The following NEK11 variants were observed in gnomAD, a reference collection of about 807,000 sequenced individuals.
NEK11 encodes the protein NIMA related kinase 11, also known as serine/threonine-protein kinase Nek11.
Under a neutral mutation model 80.7 loss-of-function variants are expected in NEK11, and 72 were observed. That is an observed-to-expected ratio of 0.89 (90% CI 0.74 to 1.08). The LOEUF is 1.08. Among genes scored for constraint, NEK11 ranks in the 50% least tolerant of loss-of-function variants. The pLI, the probability that NEK11 is intolerant of heterozygous loss-of-function variation, is 0.00. For synonymous variants in NEK11, 251 were observed against 260.7 expected (o/e 0.96, Z 0.36); for missense variants, 764 against 763.6 (o/e 1.00, Z -0.01).
chr3:131,263,842 G>A (rs966768525), intron 16 of NEK11, among the ~76,000 whole-genome samples: 1 of 151,976 alleles, frequency 6.6e-6, no homozygotes, highest in African/African-American at 2.4e-5. Context: ...CAGTGTAAAA[G>A]TCCCTATTTC....
At chr3:131,265,485 G>A (rs1235783075) in intron 16 of NEK11, among the ~76,000 whole-genome samples, 3 of 152,152 alleles carry the variant, frequency 2.0e-5, no homozygotes, top group African/African-American at 7.2e-5. Context: ...TGTGGTTTTT[G>A]TCATTTGTTC....
At chr3:131,332,282 G>A (rs1056723341) in intron 17 of NEK11, among the ~76,000 whole-genome samples, 19 of 152,320 alleles carry the variant, frequency 1.2e-4, no homozygotes, top group Admixed American at 4.6e-4. Context: ...CCAGAGGAAC[G>A]ATCAGACAGC....
chr3:131,245,301 T>TTG (rs4044352), intron 16 of NEK11, among the ~76,000 whole-genome samples: 38,376 of 140,660 alleles, frequency 0.27, 4,765 homozygotes, highest in South Asian at 0.35. Context: ...TAGTATTCCA[T>TTG]TGTGTGTGTG....
chr3:131,344,871 C>A (rs2097338555), intron 17 of NEK11, among the ~76,000 whole-genome samples: 1 of 152,134 alleles, frequency 6.6e-6, no homozygotes, highest in Non-Finnish European at 1.5e-5. Context: ...GAACAGCTCC[C>A]AAGACCCAAA....
chr3:131,260,803 C>A (rs1413648047), intron 16 of NEK11, among the ~76,000 whole-genome samples: 1 of 152,114 alleles, frequency 6.6e-6, no homozygotes, highest in Non-Finnish European at 1.5e-5. Context: ...TTAGGAAATT[C>A]AGAGCAAGAC....
intron 17 of NEK11, among the ~76,000 whole-genome samples, chr3:131,305,903 C>T (rs2096718588): frequency 6.6e-6 from 1 of 152,140 alleles, no homozygotes; most frequent in Non-Finnish European, 1.5e-5. Flanking sequence ...CAAAGATCTG[C>T]TTGGAGTGTC....
chr3:131,029,647 TTAG>T lies in NEK11; in HGVS notation c.-61_-59del. On this transcript the variant is annotated 5_prime_UTR_variant, in exon 3 of 18. An upstream open reading frame in the 5' UTR loses its in-frame stop. Transcript: ENST00000383366. ...AACACTGGATGAATTTGACCATTTC[TTAG>T]GAGACTGGAATGTTAAGTTTCTATA... 1 of 1,510,014 alleles carries T rather than the reference TTAG, an allele frequency of 6.6e-7. No homozygotes were observed. The highest frequency in any genetic ancestry group is 9.1e-7 in the Non-Finnish European group (1 of 1,096,234). The allele number at this position is 1,510,014 out of a possible 1,614,324, so 93.5% of individuals were successfully genotyped here.
intron 3 of NEK11, among the ~76,000 whole-genome samples, chr3:131,064,970 A>T (rs2071624185): frequency 6.6e-6 from 1 of 152,216 alleles, no homozygotes; most frequent in African/African-American, 2.4e-5. Flanking sequence ...GGGTAGAGAC[A>T]GTGTGTCCCA....
At chr3:131,186,400 C>G (rs1336345875) in intron 14 of NEK11, among the ~76,000 whole-genome samples, 2 of 152,006 alleles carry the variant, frequency 1.3e-5, no homozygotes, top group East Asian at 3.9e-4. Context: ...CTGTAGACAG[C>G]CCCCAGAATT....
chr3:131,155,179 T>C, intron 10 of NEK11, 58 bp downstream of exon 10: 1 of 1,100,170 alleles, frequency 9.1e-7, no homozygotes, highest in Non-Finnish European at 1.4e-6. Context: ...AATGTATTTG[T>C]CTTTAAAAAT....
At chr3:131,210,905 G>A (rs1357638690) in intron 14 of NEK11, among the ~76,000 whole-genome samples, 1 of 152,194 alleles carries the variant, frequency 6.6e-6, no homozygotes, top group Non-Finnish European at 1.5e-5. Context: ...ACAGCACACT[G>A]ATGGGTCTTG....
intron 7 of NEK11, among the ~76,000 whole-genome samples, chr3:131,143,280 C>T (rs1175586762): frequency 1.3e-5 from 2 of 152,230 alleles, no homozygotes; most frequent in Admixed American, 6.5e-5. Context: ...AATTGCTATG[C>T]TTAGATTGGT....
intron 4 of NEK11, among the ~76,000 whole-genome samples, chr3:131,088,672 A>T (rs2076334511): frequency 6.6e-6 from 1 of 152,168 alleles, no homozygotes; most frequent in Admixed American, 6.5e-5. Context: ...TTTCTTATTC[A>T]TCTACATTTA....
At chr3:131,180,878 T>C (rs2093307739) in intron 14 of NEK11, among the ~76,000 whole-genome samples, 1 of 152,190 alleles carries the variant, frequency 6.6e-6, no homozygotes, top group Non-Finnish European at 1.5e-5. Context: ...TATGTAAAAT[T>C]CTATATTGGG....
At chr3:131,136,310 A>G (rs1560580795) in intron 7 of NEK11, among the ~76,000 whole-genome samples, 1 of 152,218 alleles carries the variant, frequency 6.6e-6, no homozygotes, top group Non-Finnish European at 1.5e-5. Context: ...AAATAATAAG[A>G]GAGAACTATT....
intron 17 of NEK11, among the ~76,000 whole-genome samples, chr3:131,300,350 T>C (rs2096647366): frequency 6.6e-6 from 1 of 152,154 alleles, no homozygotes; most frequent in South Asian, 2.1e-4. Context: ...TCTGTTGACA[T>C]TTTCTTTTGA....
At chr3:131,347,276 C>G (rs1324547809) in intron 17 of NEK11, among the ~76,000 whole-genome samples, 1 of 152,178 alleles carries the variant, frequency 6.6e-6, no homozygotes, top group African/African-American at 2.4e-5. Context: ...TGCTTATTCT[C>G]ATCTGTAAAA....
In NEK11 at chr3:131,058,894, G is replaced by A. The variant is rs1007457457; in HGVS notation, c.171-21529G>A. 2.0e-5 allele frequency among the ~76,000 whole-genome samples: 3 copies of A among 152,132 alleles called. No homozygotes were observed. The East Asian group carries it at 5.8e-4, about 29-fold the overall frequency. On this transcript the variant is annotated intron_variant, in intron 3 of 17. Coordinates refer to ENST00000383366, the MANE Select transcript of NEK11 (RefSeq NM_024800.5). ...CCAAATGGAAGTAAAATTTCATAAA[G>A]CTAATAATACTTCTATTCCAGAAAA...
intron 17 of NEK11, among the ~76,000 whole-genome samples, chr3:131,314,705 T>A (rs141900185): frequency 3.3e-5 from 5 of 152,358 alleles, no homozygotes; most frequent in African/African-American, 1.2e-4. Context: ...GAGCATATCA[T>A]GCTTCTGTGT....
Sources: gnomAD v4.1 joint callset for allele counts (sites outside exome capture counted in the v4.1 genomes callset) on GRCh38, gnomAD v4.1.1 for gene constraint, MANE v1.5 for transcripts, NCBI Gene and HGNC (gene_info 2026-07-23, HGNC 2026-07-21) for gene names.